SARDH: variants seen among roughly 807,000 people sequenced by gnomAD.
SARDH encodes sarcosine dehydrogenase, mitochondrial.
In SARDH, 95 loss-of-function variants were observed where a neutral mutation model predicts 109.1. That is an observed-to-expected ratio of 0.87 (90% CI 0.74 to 1.03). The LOEUF is 1.03. SARDH is among the 50% of genes least tolerant of loss of function. The pLI, the probability that SARDH is intolerant of heterozygous loss-of-function variation, is 0.00. For synonymous variants in SARDH, 572 were observed against 534.8 expected (o/e 1.07, Z -0.96); for missense variants, 1,267 against 1,287.8 (o/e 0.98, Z 0.25).
chr9:133,694,404 T>C (rs1193410970), intron 14 of SARDH, 33 bp from the exon 15 acceptor site: 2 of 1,518,502 alleles, frequency 1.3e-6, no homozygotes, highest in Non-Finnish European at 1.8e-6. Flanking sequence ...GGGTCTGTGC[T>C]GAGGCCCCAG....
intron 17 of SARDH, among the ~76,000 whole-genome samples, chr9:133,674,389 G>C (rs1021078752): frequency 1.3e-5 from 2 of 152,244 alleles, no homozygotes; most frequent in African/African-American, 4.8e-5. Context: ...TCTGACTCAG[G>C]TGGGCTCTGA....
downstream of SARDH, among the ~76,000 whole-genome samples, chr9:133,659,783 A>T (rs1233499931): frequency 6.6e-6 from 1 of 152,054 alleles, no homozygotes; most frequent in Non-Finnish European, 1.5e-5. Context: ...GCCAGGCCCC[A>T]GCCTGGAGAG....
chr9:133,732,474 G>C lies in SARDH; in HGVS notation c.459C>G (p.Leu153=), dbSNP rs1832722277. 2 of 1,608,482 alleles carry C rather than the reference G, an allele frequency of 1.2e-6. No homozygotes were observed. The highest frequency in any genetic ancestry group is 1.7e-6 in the Non-Finnish European group (2 of 1,176,794). Residue 153 remains leucine (L), a synonymous_variant, in exon 3 of 21, where the codon CTC becomes CTG. Transcript: ENST00000439388. ...GGCGCTGCCGGTTGGACGCGATGAA[G>C]AGGCCCCCATTCTGGATCCAGCCCG... ...LHTGWIQNGG[L]FIASNRQRLD...
chr9:133,707,176 C>G (rs1432349567), intron 11 of SARDH, among the ~76,000 whole-genome samples: 1 of 152,184 alleles, frequency 6.6e-6, no homozygotes, highest in African/African-American at 2.4e-5. Flanking sequence ...CGTGGGTGAA[C>G]CAAGATTTCC....
At chr9:133,715,688 C>T (rs960483713) in intron 8 of SARDH, among the ~76,000 whole-genome samples, 7 of 152,166 alleles carry the variant, frequency 4.6e-5, no homozygotes, top group Non-Finnish European at 7.4e-5. Flanking sequence ...CTGCATGGCC[C>T]GTGGAAGTCC....
downstream of SARDH, among the ~76,000 whole-genome samples, chr9:133,660,364 A>G (rs184445884): frequency 2.2e-4 from 33 of 152,256 alleles, no homozygotes; most frequent in East Asian, 5.4e-3. Flanking sequence ...AAGTGTCCCC[A>G]GGTCTGACTC....
In SARDH at chr9:133,671,540, T is replaced by C. The variant is rs1041831928; in HGVS notation, c.2321A>G (p.Glu774Gly). The part of the protein sequence containing the change: ...GYRAIDSLSI[E>G]KGYRHWHADL... ...TGTCCAGACCCTGCACTCACCTTTCTCAATGCTCAGGGAGTCGATGGCGCG... is the reference window on the plus strand; with the variant it reads ...TGTCCAGACCCTGCACTCACCTTTCCCAATGCTCAGGGAGTCGATGGCGCG... The change falls in exon 18 of 21, where the codon GAG becomes GGG. Residue 774 changes from glutamate to glycine, a missense_variant. Coordinates refer to ENST00000439388, the MANE Select transcript of SARDH (RefSeq NM_001134707.2). The C allele has an allele frequency of 2.5e-6, 4 of 1,606,202 alleles. No homozygotes were observed. Among genetic ancestry groups the C allele is most frequent in the Admixed American group, 3.4e-5 (2 of 59,340 alleles).
intron 16 of SARDH, 42 bp from the exon 17 acceptor site, chr9:133,685,328 G>A (rs774983027): frequency 6.3e-6 from 10 of 1,576,888 alleles, no homozygotes; most frequent in South Asian, 3.4e-5. Flanking sequence ...AAGTGCTCAC[G>A]GGTGGGGCCT....
At chr9:133,727,930 T>C (rs1832548887) in intron 6 of SARDH, among the ~76,000 whole-genome samples, 1 of 151,968 alleles carries the variant, frequency 6.6e-6, no homozygotes, top group Non-Finnish European at 1.5e-5. Context: ...CGGTGGACAT[T>C]CTGTGGCCAC....
rs1831839420 is a variant in SARDH, at chr9:133,709,570, T to C, written c.1329-1142A>G. ...CTCAGTGACACCTGTCAGGGCTGAT[T>C]CTTAGTCTGCACGTAATTCTAGCAA... is the stretch of plus-strand genomic sequence containing the variant. On this transcript the variant is annotated intron_variant, in intron 10 of 20. Coordinates refer to ENST00000439388, the MANE Select transcript of SARDH (RefSeq NM_001134707.2). The surrounding 1 kb of genome is among the most constrained non-coding windows in gnomAD (Gnocchi z 4.2). Among the ~76,000 whole-genome samples the C allele has an allele frequency of 1.3e-5, 2 of 152,142 alleles. No homozygotes were observed. The highest frequency in any genetic ancestry group is 2.9e-5 in the Non-Finnish European group (2 of 68,028).
intron 17 of SARDH, among the ~76,000 whole-genome samples, chr9:133,678,648 G>C: frequency 6.6e-6 from 1 of 152,142 alleles, no homozygotes; most frequent in Admixed American, 6.5e-5. Flanking sequence ...CCAAGGGGGA[G>C]CTGCACAGCT....
At chr9:133,700,271 G>T (rs1044832331) in intron 13 of SARDH, among the ~76,000 whole-genome samples, 3 of 151,932 alleles carry the variant, frequency 2.0e-5, no homozygotes, top group African/African-American at 7.3e-5. Context: ...AAGTTGCAGT[G>T]AGCCGAATTG....
At chr9:133,735,736 C>T (rs1035269756) in intron 1 of SARDH, among the ~76,000 whole-genome samples, 1 of 152,226 alleles carries the variant, frequency 6.6e-6, no homozygotes, top group African/African-American at 2.4e-5. Flanking sequence ...ACACACCCCT[C>T]GGTGGAGATT....
At chr9:133,723,283 C>T (rs568619676) in intron 6 of SARDH, among the ~76,000 whole-genome samples, 143 of 152,186 alleles carry the variant, frequency 9.4e-4, no homozygotes, top group Non-Finnish European at 1.5e-3. Context: ...AAATAGCTGA[C>T]CCTAAAGTTC....
chr9:133,712,216 G>A lies in SARDH; in HGVS notation c.1328+403C>T, dbSNP rs1194829743. Among the ~76,000 whole-genome samples, 2 of 152,176 alleles carry A rather than the reference G, an allele frequency of 1.3e-5. No homozygotes were observed. The highest frequency in any genetic ancestry group is 2.9e-5 in the Non-Finnish European group (2 of 68,034). On this transcript the variant is annotated intron_variant, in intron 10 of 20. Coordinates refer to ENST00000439388, the MANE Select transcript of SARDH (RefSeq NM_001134707.2). The surrounding 1 kb of genome is among the most constrained non-coding windows in gnomAD (Gnocchi z 4.1). ...ATTCCTGGCCGCTTTGTCAGTGTAC[G>A]ATTGAACGGGACAGCCGGGGCTGCC...
At chr9:133,682,684 G>C (rs958518197) in intron 17 of SARDH, among the ~76,000 whole-genome samples, 2 of 141,266 alleles carry the variant, frequency 1.4e-5, no homozygotes, top group African/African-American at 2.8e-5. Flanking sequence ...AGCGAGGTCT[G>C]CACTCAGCCC....
rs1161846882 is a variant in SARDH, at chr9:133,686,779, C to G, written c.2070-1493G>C. Among the ~76,000 whole-genome samples, 1 of 152,188 alleles carries G rather than the reference C, an allele frequency of 6.6e-6. No individual in the cohort carries two copies. The highest frequency in any genetic ancestry group is 2.4e-5 in the African/African-American group (1 of 41,440). ...CCAATCGTCACAGTGCTGGGAGCCG[C>G]CACCCACGTCAGCCTGAGGTGCTCA... On this transcript the variant is annotated intron_variant, in intron 16 of 20. Transcript: ENST00000439388. This position sits in a 1 kb window ranked among gnomAD's most constrained non-coding sequence, Gnocchi z 4.0.
At chr9:133,702,268 G>A (rs1272542833) in intron 13 of SARDH, among the ~76,000 whole-genome samples, 2 of 152,240 alleles carry the variant, frequency 1.3e-5, no homozygotes, top group Non-Finnish European at 2.9e-5. Flanking sequence ...GGTGCAGGCT[G>A]CTGCGGGGGA....
At chr9:133,668,092 AG>A (rs1830137839) in intron 19 of SARDH, among the ~76,000 whole-genome samples, 1 of 151,896 alleles carries the variant, frequency 6.6e-6, no homozygotes, top group Non-Finnish European at 1.5e-5. Flanking sequence ...TACTTCATGG[AG>A]GGCCAGAAGG....
Sources: allele counts gnomAD v4.1 joint callset (sites outside exome capture counted in the v4.1 genomes callset), GRCh38; gene constraint gnomAD v4.1.1; non-coding constraint Gnocchi (gnomAD v3.1); transcripts MANE v1.5; gene names NCBI Gene and HGNC (gene_info 2026-07-23, HGNC 2026-07-21).